DNAJB6: variants seen among roughly 807,000 people sequenced by gnomAD.
The protein encoded by DNAJB6 is dnaJ homolog subfamily B member 6.
DNAJB6 carries 16 observed loss-of-function variants against 42.7 expected under a neutral mutation model. The observed-to-expected ratio is 0.37, with a 90% CI of 0.25 to 0.57. The LOEUF is 0.57. Ranked by LOEUF, DNAJB6 falls within the 20% of genes least tolerant of loss-of-function variation. The pLI, the probability that DNAJB6 is intolerant of heterozygous loss-of-function variation, is 0.74. For synonymous variants in DNAJB6, 170 were observed against 163.5 expected, an observed-to-expected ratio of 1.04 and a Z score of -0.30; for missense variants, 347 against 416.8, an observed-to-expected ratio of 0.83 and a Z score of 1.46.
chr7:157,341,314 G>A (rs1296954012), intron 1 of DNAJB6, among the ~76,000 whole-genome samples: 1 of 151,764 alleles, frequency 6.6e-6, no homozygotes, highest in African/African-American at 2.4e-5. Context: ...TAGTAGAGAC[G>A]GGGGTTTCAC....
intron 3 of DNAJB6, among the ~76,000 whole-genome samples, 173 bp downstream of exon 3, chr7:157,363,443 G>T (rs1004736579): frequency 6.6e-6 from 1 of 152,172 alleles, no homozygotes; most frequent in Admixed American, 6.5e-5. Flanking sequence ...GATTTGAATT[G>T]ATTTAGGTAA....
intron 5 of DNAJB6, chr7:157,381,627 A>G (rs1007640450): frequency 6.6e-6 from 1 of 152,096 alleles, no homozygotes; most frequent in Non-Finnish European, 1.5e-5. Context: ...ATTTGTTCAG[A>G]TTTGATTTCA....
intron 8 of DNAJB6, among the ~76,000 whole-genome samples, chr7:157,404,476 T>G (rs1795676486): frequency 1.3e-5 from 2 of 150,766 alleles, no homozygotes; most frequent in African/African-American, 4.9e-5. Context: ...CTTTTTTTTT[T>G]TTTTTTTTTG....
chr7:157,408,007 C>T (rs1357746674), intron 8 of DNAJB6, among the ~76,000 whole-genome samples: 1 of 152,156 alleles, frequency 6.6e-6, no homozygotes, highest in Non-Finnish European at 1.5e-5. Context: ...TGCTGTTTTA[C>T]TTCACTCACG....
chr7:157,406,578 G>A (rs1311376575), intron 8 of DNAJB6, among the ~76,000 whole-genome samples: 1 of 152,202 alleles, frequency 6.6e-6, no homozygotes, highest in African/African-American at 2.4e-5. Context: ...GCTGAGCTGT[G>A]CAGGAGAGGA....
chr7:157,371,182 G>GT (rs1800191915), intron 5 of DNAJB6, among the ~76,000 whole-genome samples: 1 of 152,224 alleles, frequency 6.6e-6, no homozygotes, highest in East Asian at 1.9e-4. Flanking sequence ...CACCCACTGT[G>GT]TGGAAGAATT....
intron 1 of DNAJB6, among the ~76,000 whole-genome samples, chr7:157,349,946 G>A (rs1464591903): frequency 1.3e-5 from 2 of 151,996 alleles, no homozygotes; most frequent in African/African-American, 2.4e-5. Context: ...CCTGGCCAAC[G>A]CCCGGCTAAT....
intron 5 of DNAJB6, among the ~76,000 whole-genome samples, chr7:157,371,104 G>A (rs911004199): frequency 2.0e-5 from 3 of 152,262 alleles, no homozygotes; most frequent in East Asian, 1.9e-4. Context: ...CTGCACACGC[G>A]AGGGACCTAG....
At chr7:157,374,990 A>G (rs886359259) in intron 5 of DNAJB6, among the ~76,000 whole-genome samples, 1 of 152,168 alleles carries the variant, frequency 6.6e-6, no homozygotes, top group African/African-American at 2.4e-5. Context: ...TCCCTGGTCA[A>G]CTTGTGGACA....
At chr7:157,346,569 G>A (rs966197272) in intron 1 of DNAJB6, among the ~76,000 whole-genome samples, 1 of 151,798 alleles carries the variant, frequency 6.6e-6, no homozygotes, top group Non-Finnish European at 1.5e-5. Flanking sequence ...TGAGAGGTCT[G>A]AGGAAAAAAA....
At chr7:157,353,586 G>GGTGTGTGTTT (rs1554453958) in intron 1 of DNAJB6, among the ~76,000 whole-genome samples, 2 of 140,038 alleles carry the variant, frequency 1.4e-5, no homozygotes, top group African/African-American at 5.5e-5. Context: ...TCTTGACCGG[G>GGTGTGTGTTT]GTGTGTGTGT....
intron 9 of DNAJB6, chr7:157,414,252 C>G (rs982392870): frequency 5.2e-5 from 8 of 152,436 alleles, no homozygotes; most frequent in Non-Finnish European, 7.3e-5. Context: ...GGAGGAACCG[C>G]AGGCGGTGCT....
chr7:157,372,113 A>G (rs1432150354), intron 5 of DNAJB6: 1 of 152,696 alleles, frequency 6.5e-6, no homozygotes, highest in African/African-American at 2.4e-5. Flanking sequence ...CTGTGATTAA[A>G]TTATGATAGT....
intron 1 of DNAJB6, among the ~76,000 whole-genome samples, chr7:157,338,517 AGAGAC>A (rs1798168824): frequency 6.6e-6 from 1 of 152,188 alleles, no homozygotes; most frequent in Non-Finnish European, 1.5e-5. Flanking sequence ...TATTTTTAGT[AGAGAC>A]GGGGGTTTCA....
chr7:157,339,280 C>CTTTTTTT (rs1798214978), intron 1 of DNAJB6, among the ~76,000 whole-genome samples: 1 of 116,504 alleles, frequency 8.6e-6, no homozygotes, highest in East Asian at 2.7e-4. Context: ...TCTGTTTGCA[C>CTTTTTTT]CTTTTTTTTT....
intron 8 of DNAJB6, among the ~76,000 whole-genome samples, chr7:157,391,746 A>G (rs1006234395): frequency 6.6e-6 from 1 of 152,112 alleles, no homozygotes; most frequent in African/African-American, 2.4e-5. Context: ...TACTTGCAGG[A>G]GCAGTTGGTT....
intron 8 of DNAJB6, among the ~76,000 whole-genome samples, chr7:157,399,927 C>T (rs1463410727): frequency 6.6e-6 from 1 of 152,128 alleles, no homozygotes; most frequent in African/African-American, 2.4e-5. Flanking sequence ...CCTCAGCCTC[C>T]CAAAGTGCTT....
In DNAJB6 at chr7:157,416,706, T is replaced by C. The variant is rs1423373491; in HGVS notation, c.*608T>C. The C allele has an allele frequency of 6.6e-6, 1 of 152,302 alleles. No homozygotes were observed. Among genetic ancestry groups the C allele is most frequent in the African/African-American group, 2.4e-5 (1 of 41,468 alleles). The allele number at this position is 152,302 out of a possible 1,614,324, so 9.4% of individuals were successfully genotyped here. On this transcript the variant is annotated 3_prime_UTR_variant, in exon 10 of 10. Transcript: ENST00000262177. The stretch of plus-strand genomic sequence containing the variant: ...CCTTTGCAGGTAGTGCAAATTCAAC[T>C]TCAAATATGGTGTAGGTTTTGCTAG...
intron 8 of DNAJB6, among the ~76,000 whole-genome samples, chr7:157,393,693 T>A (rs189490843): frequency 3.3e-4 from 50 of 152,336 alleles, no homozygotes; most frequent in Admixed American, 1.6e-3. Flanking sequence ...AAAATGTTTT[T>A]AAATTATTGA....
Sources: allele counts gnomAD v4.1 joint callset (sites outside exome capture counted in the v4.1 genomes callset), GRCh38; gene constraint gnomAD v4.1.1; transcripts MANE v1.5; gene names NCBI Gene and HGNC (gene_info 2026-07-23, HGNC 2026-07-21).